Variants in PRKN observed in about 807,000 individuals in gnomAD.
PRKN encodes E3 ubiquitin-protein ligase parkin.
PRKN carries 56 observed loss-of-function variants against 59.5 expected under a neutral mutation model. The observed-to-expected ratio is 0.94, with a 90% confidence interval of 0.76 to 1.18. The LOEUF (loss-of-function observed/expected upper bound fraction) is 1.18. Among genes scored for constraint, PRKN ranks in the 50% most tolerant of loss-of-function variants. The pLI is 0.00. For synonymous variants in PRKN, 250 were observed against 222.1 expected (o/e 1.13, Z -1.12); for missense variants, 657 against 596.4 (o/e 1.10, Z -1.06).
At position 161,447,290 on chromosome 6, in the gene PRKN, C is replaced by T. The variant is rs964747188; in HGVS notation, c.1084-60413G>A. 1.3e-5 allele frequency among the ~76,000 whole-genome samples: 2 copies of T among 152,126 alleles called. No homozygotes were observed. Among genetic ancestry groups the T allele is most frequent in the African/African-American group, 2.4e-5 (1 of 41,418 alleles). On this transcript the variant is annotated intron_variant, in intron 9 of 11. Coordinates refer to ENST00000366898, the MANE Select transcript of PRKN (RefSeq NM_004562.3). This position sits in a 1 kb window ranked among gnomAD's most constrained non-coding sequence, Gnocchi z 4.1. ...CTGACATGCTCAATCTAGGGTTTCCCGCGGCTAAACCCTAAAATTCACTTC... is the reference window on the plus strand; with the variant it reads ...CTGACATGCTCAATCTAGGGTTTCCTGCGGCTAAACCCTAAAATTCACTTC...
chr6:162,666,652 ATGT>A (rs1779116882), intron 1 of PRKN, among the ~76,000 whole-genome samples: 2 of 152,164 alleles, frequency 1.3e-5, no homozygotes, highest in African/African-American at 4.8e-5. Context: ...CCCACAAAAA[ATGT>A]TGTACAAACT....
chr6:161,702,131 A>G (rs1306023490), intron 7 of PRKN, among the ~76,000 whole-genome samples: 1 of 152,198 alleles, frequency 6.6e-6, no homozygotes, highest in African/African-American at 2.4e-5. Context: ...ATGATCCCTT[A>G]AAAAATATAA....
At chr6:161,846,847 A>C (rs771901271) in intron 6 of PRKN, among the ~76,000 whole-genome samples, 4 of 152,162 alleles carry the variant, frequency 2.6e-5, no homozygotes, top group Non-Finnish European at 4.4e-5. Context: ...TGCATTGTTC[A>C]CCTTCTCAGC....
intron 4 of PRKN, among the ~76,000 whole-genome samples, chr6:162,097,476 G>C (rs1422035308): frequency 6.6e-6 from 1 of 152,152 alleles, no homozygotes; most frequent in Non-Finnish European, 1.5e-5. Flanking sequence ...GGTGGAGACA[G>C]GATTCAAATG....
intron 1 of PRKN, among the ~76,000 whole-genome samples, chr6:162,668,527 TGAG>T (rs1466242247): frequency 7.4e-6 from 1 of 134,710 alleles, no homozygotes; most frequent in Non-Finnish European, 1.5e-5. Flanking sequence ...GATGAGACGA[TGAG>T]GACAGAGGTG....
At chr6:161,737,949 T>C (rs908263356) in intron 7 of PRKN, among the ~76,000 whole-genome samples, 3 of 152,200 alleles carry the variant, frequency 2.0e-5, no homozygotes, top group African/African-American at 7.2e-5. Flanking sequence ...TTTGGAAAGA[T>C]TCTATCTGCA....
At chr6:162,455,208 T>G (rs1382040724) in intron 1 of PRKN, among the ~76,000 whole-genome samples, 1 of 152,110 alleles carries the variant, frequency 6.6e-6, no homozygotes, top group East Asian at 1.9e-4. Context: ...GCTGGCAAAG[T>G]TCCATCTCTT....
chr6:162,706,738 C>A (rs1392622309), intron 1 of PRKN, among the ~76,000 whole-genome samples: 1 of 152,154 alleles, frequency 6.6e-6, no homozygotes, highest in African/African-American at 2.4e-5. Context: ...CATGAGCACT[C>A]AATAACCATC....
At chr6:161,464,890 G>T (rs1472701798) in intron 9 of PRKN, among the ~76,000 whole-genome samples, 1 of 152,062 alleles carries the variant, frequency 6.6e-6, no homozygotes, top group Non-Finnish European at 1.5e-5. Flanking sequence ...TTGCTTGCTG[G>T]GTCACTTGCT....
intron 1 of PRKN, among the ~76,000 whole-genome samples, chr6:162,519,095 G>A (rs1279817719): frequency 1.3e-5 from 2 of 152,000 alleles, no homozygotes; most frequent in East Asian, 1.9e-4. Context: ...GCTTGAACCC[G>A]GGAGGCGGAA....
At chr6:161,884,279 G>A (rs958038901) in intron 6 of PRKN, among the ~76,000 whole-genome samples, 6 of 152,088 alleles carry the variant, frequency 3.9e-5, no homozygotes, top group African/African-American at 7.2e-5. Flanking sequence ...AAGATGTGTC[G>A]TGTCAACTAA....
rs944470541 is a variant in PRKN, at chr6:161,448,529, C to T, written c.1084-61652G>A. 2.0e-5 allele frequency among the ~76,000 whole-genome samples: 3 copies of T among 152,174 alleles called. No individual in the cohort carries two copies. The highest frequency in any genetic ancestry group is 4.8e-5 in the African/African-American group (2 of 41,446). On this transcript the variant is annotated intron_variant, in intron 9 of 11. Transcript: ENST00000366898. The surrounding 1 kb of genome is among the most constrained non-coding windows in gnomAD (Gnocchi z 5.1). ...AAAGGTTACAGACATAAAGATCTTGCGATTCTCTTATCCCAGTTTCTTCCG... is the reference window on the plus strand; with the variant it reads ...AAAGGTTACAGACATAAAGATCTTGTGATTCTCTTATCCCAGTTTCTTCCG...
chr6:161,500,864 G>GTT (rs373088841), intron 9 of PRKN, among the ~76,000 whole-genome samples: 2 of 132,566 alleles, frequency 1.5e-5, no homozygotes, highest in African/African-American at 2.9e-5. Context: ...GTTTAGTTTA[G>GTT]TTTTTTTTTT....
intron 8 of PRKN, among the ~76,000 whole-genome samples, chr6:161,558,282 T>C (rs1306399450): frequency 6.6e-6 from 1 of 152,004 alleles, no homozygotes; most frequent in Non-Finnish European, 1.5e-5. Context: ...AAAAATTCAG[T>C]CAGGTATAGT....
At chr6:162,273,500 G>T (rs990473455) in intron 2 of PRKN, among the ~76,000 whole-genome samples, 2 of 152,132 alleles carry the variant, frequency 1.3e-5, no homozygotes, top group Non-Finnish European at 2.9e-5. Flanking sequence ...GAACCCAAAA[G>T]AAATTTTGTA....
intron 9 of PRKN, among the ~76,000 whole-genome samples, chr6:161,508,206 TC>T (rs1778246813): frequency 6.6e-6 from 1 of 152,214 alleles, no homozygotes; most frequent in Non-Finnish European, 1.5e-5. Context: ...AATGTGTGTG[TC>T]CTTGTACTTT....
At position 161,357,173 on chromosome 6, in the gene PRKN, T is replaced by C. The variant is rs1167604024; in HGVS notation, c.1285+2915A>G. The stretch of plus-strand genomic sequence containing the variant: ...TTCAAGTAATTCTCCTGCCTCAGGT[T>C]CCCAAGCAGTTGGGACTACAGGCAT... On this transcript the variant is annotated intron_variant, in intron 11 of 11. Transcript: ENST00000366898. This position sits in a 1 kb window ranked among gnomAD's most constrained non-coding sequence, Gnocchi z 5.5. Among the ~76,000 whole-genome samples the C allele has an allele frequency of 6.6e-6, 1 of 151,770 alleles. No homozygotes were observed. The highest frequency in any genetic ancestry group is 6.6e-5 in the Admixed American group (1 of 15,220).
intron 1 of PRKN, among the ~76,000 whole-genome samples, chr6:162,533,626 T>C (rs1778599626): frequency 6.6e-6 from 1 of 152,186 alleles, no homozygotes; most frequent in African/African-American, 2.4e-5. Flanking sequence ...TTTTACACTT[T>C]ACCAACTCAG....
rs1789889788 is a variant in PRKN at position 161,454,787 on chromosome 6, C to G, written c.1084-67910G>C. On this transcript the variant is annotated intron_variant, in intron 9 of 11. Transcript: ENST00000366898. This position sits in a 1 kb window ranked among gnomAD's most constrained non-coding sequence, Gnocchi z 4.6. The stretch of plus-strand genomic sequence containing the variant: ...AACTTGGATTCCTGAGTGACTTTCT[C>G]TGGTCCATAACTTCATCTAGGTCAC... Among the ~76,000 whole-genome samples, 2 of 152,146 alleles carry G rather than the reference C, an allele frequency of 1.3e-5. No individual in the cohort carries two copies. The highest frequency in any genetic ancestry group is 4.2e-4 in the South Asian group (2 of 4,818).
Sources: gnomAD v4.1 joint callset for allele counts (sites outside exome capture counted in the v4.1 genomes callset) on GRCh38, gnomAD v4.1.1 for gene constraint, Gnocchi (gnomAD v3.1) non-coding constraint, MANE v1.5 for transcripts, NCBI Gene and HGNC (gene_info 2026-07-23, HGNC 2026-07-21) for gene names.